The following LRRIQ3 variants were observed in gnomAD, a reference collection of about 807,000 sequenced individuals.
LRRIQ3 encodes leucine-rich repeat and IQ domain-containing protein 3.
In LRRIQ3, 75 loss-of-function variants were observed where a neutral mutation model predicts 59.3. That is an observed-to-expected ratio of 1.26 (90% confidence interval 1.05 to 1.53). LRRIQ3 has a LOEUF of 1.53. Among genes scored for constraint, LRRIQ3 ranks in the 40% most tolerant of loss-of-function variants. The pLI, the probability that LRRIQ3 is intolerant of heterozygous loss-of-function variation, is 0.00. For synonymous variants in LRRIQ3, 250 were observed against 231.3 expected, an observed-to-expected ratio of 1.08 and a Z score of -0.73; for missense variants, 831 against 710.0, an observed-to-expected ratio of 1.17 and a Z score of -1.94.
At chr1:74,079,978 A>G (rs1218969212) in intron 5 of LRRIQ3, among the ~76,000 whole-genome samples, 1 of 151,844 alleles carries the variant, frequency 6.6e-6, no homozygotes, top group Non-Finnish European at 1.5e-5. Context: ...CAACTCTTGC[A>G]TCTCTTTATA....
At chr1:74,138,453 T>C in intron 4 of LRRIQ3, 1 of 982,384 alleles carries the variant, frequency 1.0e-6, no homozygotes. Flanking sequence ...CTTTTTGGTG[T>C]CCCATGGGCA....
intron 4 of LRRIQ3, among the ~76,000 whole-genome samples, chr1:74,144,917 T>C (rs1647465845): frequency 6.6e-6 from 1 of 151,932 alleles, no homozygotes; most frequent in Admixed American, 6.6e-5. Flanking sequence ...TAAATGCACA[T>C]ACACACATAT....
At chr1:74,041,966 T>C (rs747768544) in intron 6 of LRRIQ3, 33 bp from the exon 7 acceptor site, 2 of 1,502,120 alleles carry the variant, frequency 1.3e-6, no homozygotes, top group African/African-American at 1.4e-5. Context: ...TTATACATTA[T>C]ACAAGAGCTA....
At chr1:74,084,656 A>G (rs1375021752) in intron 5 of LRRIQ3, among the ~76,000 whole-genome samples, 1 of 151,812 alleles carries the variant, frequency 6.6e-6, no homozygotes, top group East Asian at 1.9e-4. Flanking sequence ...CCAGAATTCT[A>G]AGAATTAAGG....
intron 6 of LRRIQ3, among the ~76,000 whole-genome samples, chr1:74,057,787 T>C (rs770780335): frequency 2.6e-5 from 4 of 151,940 alleles, no homozygotes; most frequent in Admixed American, 6.6e-5. Flanking sequence ...AAGGAACCAA[T>C]CAGCAGAATT....
At chr1:74,176,181 T>C (rs1649628828) in intron 3 of LRRIQ3, among the ~76,000 whole-genome samples, 1 of 152,156 alleles carries the variant, frequency 6.6e-6, no homozygotes, top group Admixed American at 6.5e-5. Flanking sequence ...TTTTCCTCTA[T>C]CTGAGTATAT....
chr1:74,074,842 G>C, intron 5 of LRRIQ3, 52 bp from the exon 6 acceptor site: 1 of 958,096 alleles, frequency 1.0e-6, no homozygotes, highest in East Asian at 3.1e-5. Flanking sequence ...ATGTGTTTTA[G>C]AGTTCTTCAA....
chr1:74,102,796 C>T (rs776818651), intron 5 of LRRIQ3, among the ~76,000 whole-genome samples: 3 of 151,962 alleles, frequency 2.0e-5, no homozygotes, highest in African/African-American at 7.2e-5. Context: ...CAGCTTTTTA[C>T]CTCAGATTAT....
intron 4 of LRRIQ3, among the ~76,000 whole-genome samples, 191 bp from the exon 5 acceptor site, chr1:74,109,744 A>G (rs1238693056): frequency 2.6e-5 from 4 of 151,788 alleles, no homozygotes; most frequent in Admixed American, 1.3e-4. Flanking sequence ...TCATCAGAGG[A>G]TAAATGAATG....
At chr1:74,056,390 A>C (rs1479385920) in intron 6 of LRRIQ3, among the ~76,000 whole-genome samples, 2 of 152,028 alleles carry the variant, frequency 1.3e-5, no homozygotes, top group African/African-American at 4.8e-5. Context: ...GGCAAGAGGG[A>C]AAATAGGGAT....
chr1:74,158,106 A>G (rs949798541), intron 3 of LRRIQ3, among the ~76,000 whole-genome samples: 4 of 151,906 alleles, frequency 2.6e-5, no homozygotes, highest in African/African-American at 9.7e-5. Context: ...AACATCCCAA[A>G]TATCAGTCTT....
intron 5 of LRRIQ3, among the ~76,000 whole-genome samples, chr1:74,086,761 T>C (rs368677728): frequency 6.6e-6 from 1 of 152,054 alleles, no homozygotes; most frequent in South Asian, 2.1e-4. Flanking sequence ...TAGGAAAACA[T>C]GAGGCAAACA....
intron 7 of LRRIQ3, among the ~76,000 whole-genome samples, chr1:74,028,711 A>T (rs1337505217): frequency 6.6e-6 from 1 of 151,616 alleles, no homozygotes; most frequent in Non-Finnish European, 1.5e-5. Context: ...TCTCTGTATT[A>T]TTTTTTTTCA....
rs1275788025 is a variant in LRRIQ3, at chr1:74,198,133, C to G, written c.-138G>C. The G allele has an allele frequency of 2.3e-5, 34 of 1,463,318 alleles. No individual in the cohort carries two copies. The East Asian group carries it at 7.3e-4, about 31-fold the overall frequency. The allele number at this position is 1,463,318 out of a possible 1,614,324, so 90.6% of individuals were successfully genotyped here. On this transcript the variant is annotated 5_prime_UTR_variant, in exon 1 of 8. The change abolishes an upstream ATG in the 5' untranslated region. Coordinates refer to ENST00000354431, the MANE Select transcript of LRRIQ3 (RefSeq NM_001105659.2). The stretch of plus-strand genomic sequence containing the variant: ...AAGACAACATCCAAGTTCTCCACAT[C>G]ATGGTTTTCCGGGCGCCAGCCAAGG...
chr1:74,141,499 T>C (rs1037496575), intron 4 of LRRIQ3, among the ~76,000 whole-genome samples: 6 of 151,864 alleles, frequency 4.0e-5, no homozygotes, highest in Non-Finnish European at 7.4e-5. Flanking sequence ...TGGACAGATA[T>C]ATTGTTTGAA....
At chr1:74,159,345 T>C (rs913590650) in intron 3 of LRRIQ3, among the ~76,000 whole-genome samples, 1 of 152,170 alleles carries the variant, frequency 6.6e-6, no homozygotes, top group African/African-American at 2.4e-5. Context: ...TTAACAACTC[T>C]TCATCCTACA....
At chr1:74,172,015 A>G (rs1271815505) in intron 3 of LRRIQ3, among the ~76,000 whole-genome samples, 1 of 151,682 alleles carries the variant, frequency 6.6e-6, no homozygotes, top group East Asian at 1.9e-4. Flanking sequence ...TTTCTGTGTT[A>G]TTATTGCTGA....
rs148573799 is a variant in LRRIQ3, at chr1:74,039,023, G to A, written c.1718+2190C>T. ...CTTCAGAAGGTGGGTAATAATAAAC[G>A]CCACTAAGCTAAAGAAGCATGTGCT... On this transcript the variant is annotated intron_variant, in intron 7 of 7. Transcript: ENST00000354431. 7.2e-5 allele frequency among the ~76,000 whole-genome samples: 11 copies of A among 152,176 alleles called. No homozygotes were observed. In the East Asian group the frequency reaches 9.7e-4, roughly 13 times the overall value.
At chr1:74,105,864 G>T (rs887107082) in intron 5 of LRRIQ3, among the ~76,000 whole-genome samples, 1 of 151,980 alleles carries the variant, frequency 6.6e-6, no homozygotes, top group Non-Finnish European at 1.5e-5. Flanking sequence ...AAGCAAATCA[G>T]CAGTTATAAA....
Sources: gnomAD v4.1 joint callset for allele counts (sites outside exome capture counted in the v4.1 genomes callset) on GRCh38, gnomAD v4.1.1 for gene constraint, MANE v1.5 for transcripts, NCBI Gene and HGNC (gene_info 2026-07-23, HGNC 2026-07-21) for gene names.